Variants in OSBPL9 observed in about 807,000 individuals in gnomAD.
OSBPL9 encodes the protein oxysterol binding protein like 9.
In OSBPL9, 40 loss-of-function variants were observed where a neutral mutation model predicts 106.6. The ratio of observed to expected loss-of-function variants is 0.38; its 90% confidence interval spans 0.29 to 0.49. The LOEUF is 0.49. Ranked by LOEUF, OSBPL9 falls within the 20% of genes least tolerant of loss-of-function variation. The pLI, the probability that OSBPL9 is intolerant of heterozygous loss-of-function variation, is 0.97. For synonymous variants in OSBPL9, 269 were observed against 295.4 expected (o/e 0.91, Z 0.92); for missense variants, 609 against 887.2 (o/e 0.69, Z 3.98).
chr1:51,770,944 T>TATATATATACAGTTTATA (rs1673733525), intron 12 of OSBPL9, among the ~76,000 whole-genome samples: 1 of 152,140 alleles, frequency 6.6e-6, no homozygotes, highest in Non-Finnish European at 1.5e-5. Context: ...GAGTGAACCC[T>TATATATATACAGTTTATA]AATATAAACT....
chr1:51,571,437 AG>A, the OSBPL9 span, among the ~76,000 whole-genome samples: 76 of 152,284 alleles, frequency 5.0e-4, no homozygotes, highest in Middle Eastern at 3.4e-3. Flanking sequence ...ATGTCAGGGC[AG>A]GAGGACTGCT....
chr1:51,748,417 A>G lies in OSBPL9; in HGVS notation c.492+19A>G, dbSNP rs752465048. On this transcript the variant is annotated intron_variant, in intron 7 of 23. Transcript: ENST00000428468. ...AACAAATGTAAGTTATATGTTTGATACATTCTGACTTTGCATTAGAAAATG... is the reference window on the plus strand; with the variant it reads ...AACAAATGTAAGTTATATGTTTGATGCATTCTGACTTTGCATTAGAAAATG... 6 of 1,465,848 alleles carry G rather than the reference A, an allele frequency of 4.1e-6. No homozygotes were observed. Among genetic ancestry groups the G allele is most frequent in the South Asian group, 3.0e-5 (2 of 66,994 alleles). 90.8% of individuals were successfully genotyped at this position (1,465,848 alleles called of 1,614,324 possible).
chr1:51,546,153 C>G, the OSBPL9 span, among the ~76,000 whole-genome samples: 1 of 152,074 alleles, frequency 6.6e-6, no homozygotes, highest in Admixed American at 6.5e-5. Flanking sequence ...GTAGCTGGGA[C>G]TACAGGTATC....
chr1:51,676,657 T>TAAAAAAAAAAAAAAAAAAAAAA (rs745556662), intron 3 of OSBPL9, among the ~76,000 whole-genome samples: 1 of 88,882 alleles, frequency 1.1e-5, no homozygotes. Context: ...AGACTCCATC[T>TAAAAAAAAAAAAAAAAAAAAAA]AAAAAAAAAA....
intron 1 of OSBPL9, among the ~76,000 whole-genome samples, chr1:51,638,483 A>G (rs1203103160): frequency 6.6e-6 from 1 of 151,942 alleles, no homozygotes; most frequent in Non-Finnish European, 1.5e-5. Context: ...GTGGTGGCTC[A>G]CACCTGTAAT....
chr1:51,616,017 T>C (rs1431829976), upstream of OSBPL9, among the ~76,000 whole-genome samples: 1 of 133,086 alleles, frequency 7.5e-6, no homozygotes, highest in African/African-American at 2.9e-5. Flanking sequence ...TTTTTTTTTT[T>C]TTTTTTTTTT....
chr1:51,725,145 G>T (rs1278575579), intron 4 of OSBPL9, among the ~76,000 whole-genome samples: 3 of 148,294 alleles, frequency 2.0e-5, no homozygotes, highest in Admixed American at 1.3e-4. Context: ...TTTGCTTCTC[G>T]GTTTTGTAGG....
At chr1:51,673,108 A>G (rs1424891506) in intron 3 of OSBPL9, among the ~76,000 whole-genome samples, 1 of 152,228 alleles carries the variant, frequency 6.6e-6, no homozygotes, top group Non-Finnish European at 1.5e-5. Context: ...TAAAACCAGC[A>G]AAAGAGATTG....
Position 51,765,999 on chromosome 1 carries a change from A to C in OSBPL9, c.938+18A>C. ...TTAATAGAGTGAGTAGATGAACAGA[A>C]TATGTATTTAAATGATTCTCCTGAT... is the stretch of plus-strand genomic sequence containing the variant. On this transcript the variant is annotated intron_variant, in intron 12 of 23. Transcript: ENST00000428468. 1 of 1,577,056 alleles carries C rather than the reference A, an allele frequency of 6.3e-7. No individual in the cohort carries two copies. Among genetic ancestry groups the C allele is most frequent in the South Asian group, 1.2e-5 (1 of 85,902 alleles).
At chr1:51,634,234 G>C (rs1004423813) in intron 1 of OSBPL9, among the ~76,000 whole-genome samples, 1 of 152,158 alleles carries the variant, frequency 6.6e-6, no homozygotes, top group Non-Finnish European at 1.5e-5. Context: ...AGGTCCTTGG[G>C]CAATTTTTGG....
At chr1:51,567,075 T>C in the OSBPL9 span, 1 of 152,254 alleles carries the variant, frequency 6.6e-6, no homozygotes, top group Non-Finnish European at 1.5e-5. Context: ...CTTCTGTGAT[T>C]ATCTTTTCTA....
At chr1:51,730,070 C>G (rs963184829) in intron 4 of OSBPL9, 51 of 1,272,524 alleles carry the variant, frequency 4.0e-5, no homozygotes, top group Middle Eastern at 2.4e-4. Flanking sequence ...TCCCGGCCGC[C>G]AGGCCGGAGC....
At chr1:51,613,183 TAAG>T (rs1644001433), upstream of OSBPL9, among the ~76,000 whole-genome samples, 1 of 152,220 alleles carries the variant, frequency 6.6e-6, no homozygotes, top group South Asian at 2.1e-4. Context: ...TTCCTGCTGT[TAAG>T]AAGCTAATGG....
chr1:51,671,405 GT>G (rs201440855), intron 3 of OSBPL9, among the ~76,000 whole-genome samples: 7 of 151,366 alleles, frequency 4.6e-5, no homozygotes, highest in African/African-American at 1.2e-4. Context: ...GAATACACCA[GT>G]TTTTTTTTAA....
rs530383140 is a variant in OSBPL9 at position 51,578,682 on chromosome 1, C to T, written c.-423+1426C>T. On this transcript the variant is annotated intron_variant, in intron 1 of 25. Transcript: ENST00000371714. ...CTCATTAATTCCTTTCTTCAAGAAA[C>T]GCTTATTGAGCATCACTCTGTGCCA... is the stretch of plus-strand genomic sequence containing the variant. Among the ~76,000 whole-genome samples, 11 of 152,270 alleles carry T rather than the reference C, an allele frequency of 7.2e-5. No homozygotes were observed. In the South Asian group the frequency reaches 8.3e-4, roughly 11 times the overall value.
chr1:51,760,632 G>C (rs760713948), intron 9 of OSBPL9, 58 bp from the exon 10 acceptor site: 1 of 1,608,274 alleles, frequency 6.2e-7, no homozygotes, highest in East Asian at 2.2e-5. Context: ...GCATTTGGGA[G>C]GGTAGCATGA....
chr1:51,569,341 C>T, the OSBPL9 span, among the ~76,000 whole-genome samples: 6 of 152,138 alleles, frequency 3.9e-5, no homozygotes, highest in East Asian at 1.2e-3. Flanking sequence ...TACCATGTGC[C>T]TCCCCACCTC....
chr1:51,655,286 G>A (rs1162041917), intron 2 of OSBPL9, among the ~76,000 whole-genome samples: 2 of 152,152 alleles, frequency 1.3e-5, no homozygotes, highest in Non-Finnish European at 2.9e-5. Flanking sequence ...AATTCCTTGT[G>A]ATTGTAGAAC....
intron 1 of OSBPL9, among the ~76,000 whole-genome samples, chr1:51,650,065 T>G (rs891658582): frequency 6.6e-6 from 1 of 151,964 alleles, no homozygotes; most frequent in Non-Finnish European, 1.5e-5. Context: ...TTTGTAGAGA[T>G]AGAGTTTCGC....
Sources: allele counts gnomAD v4.1 joint callset (sites outside exome capture counted in the v4.1 genomes callset), GRCh38; gene constraint gnomAD v4.1.1; transcripts MANE v1.5; gene names NCBI Gene and HGNC (gene_info 2026-07-23, HGNC 2026-07-21).